Variants in ZNF318 observed in about 807,000 individuals in gnomAD.
The protein encoded by ZNF318 is zinc finger protein 318.
In ZNF318, 51 loss-of-function variants were observed where a neutral mutation model predicts 124.2. The ratio of observed to expected loss-of-function variants is 0.41; its 90% CI spans 0.33 to 0.52. The LOEUF (loss-of-function observed/expected upper bound fraction) is 0.52. Among genes scored for constraint, ZNF318 ranks in the 20% least tolerant of loss-of-function variants. The pLI, the probability that ZNF318 is intolerant of heterozygous loss-of-function variation, is 0.23. For missense variants in ZNF318, 2,815 were observed against 2,811.2 expected, an observed-to-expected ratio of 1.00 and a Z score of -0.03; for synonymous variants, 1,090 against 1,040.7, an observed-to-expected ratio of 1.05 and a Z score of -0.91.
At chr6:43,342,277 T>C in intron 7 of ZNF318, 66 bp from the exon 8 acceptor site, 2 of 1,337,262 alleles carry the variant, frequency 1.5e-6, no homozygotes, top group Non-Finnish European at 2.1e-6. Context: ...CTTTTCTCTT[T>C]TTTTTCCCCC....
At chr6:43,354,227 GCAA>G (rs1779572835) in intron 4 of ZNF318, among the ~76,000 whole-genome samples, 1 of 152,100 alleles carries the variant, frequency 6.6e-6, no homozygotes. Context: ...CAATTATCAA[GCAA>G]CAACTAGTTA....
Position 43,338,915 on chromosome 6 carries a change from T to A in ZNF318, c.5083A>T (p.Thr1695Ser). 9.3e-6 allele frequency: 15 copies of A among 1,614,070 alleles called. No homozygotes were observed. Among genetic ancestry groups the A allele is most frequent in the Non-Finnish European group, 1.3e-5 (15 of 1,180,024 alleles). ...GAACTAGAGGTCCATATGGCCAAAG[T>A]GTCTGTCTTTGGGGTAATTGTTTCA... is the stretch of plus-strand genomic sequence containing the variant. The part of the protein sequence containing the change: ...PYETITPKTD[T>S]LAIWTSSSFQ... The change falls in exon 10 of 10, where the codon ACT becomes TCT. Residue 1695 changes from threonine to serine, a missense_variant. Physicochemically the swap from Thr to Ser is moderately conservative, Grantham distance 58. This residue lies in a region of ZNF318 where 927 missense variants were observed against 820.6 expected (regional missense o/e 1.13). Coordinates refer to ENST00000361428, the MANE Select transcript of ZNF318 (RefSeq NM_014345.3).
In ZNF318 at chr6:43,354,717, A is replaced by C. The variant is rs1295126953; in HGVS notation, c.2617T>G (p.Tyr873Asp). The change falls in exon 4 of 10, where the codon TAT (tyrosine) becomes GAT (aspartate). Residue 873 changes from tyrosine (Y) to aspartate (D), a missense_variant. Tyr to Asp is a radical substitution (Grantham distance 160). Coordinates refer to ENST00000361428, the MANE Select transcript of ZNF318 (RefSeq NM_014345.3). ...VQVSIPSLIR[Y>D]NPEKISDEKN... is the part of the protein sequence containing the mutation. ...TCATCAGAGATCTTCTCTGGATTATATCTTATGAGTGATGGAATGGACACC... is the reference window on the plus strand; with the variant it reads ...TCATCAGAGATCTTCTCTGGATTATCTCTTATGAGTGATGGAATGGACACC... 2 of 1,613,924 alleles carry C rather than the reference A, an allele frequency of 1.2e-6. No individual in the cohort carries two copies. Among genetic ancestry groups the C allele is most frequent in the Non-Finnish European group, 1.7e-6 (2 of 1,180,014 alleles).
intron 4 of ZNF318, 56 bp from the exon 5 acceptor site, chr6:43,352,532 T>C (rs1182927753): frequency 5.3e-6 from 8 of 1,507,642 alleles, no homozygotes; most frequent in Admixed American, 5.1e-5. Context: ...TCTTTTCTAT[T>C]TCTCTCTTCC....
At chr6:43,364,739 C>T (rs1779736478) in intron 2 of ZNF318, among the ~76,000 whole-genome samples, 1 of 152,204 alleles carries the variant, frequency 6.6e-6, no homozygotes, top group South Asian at 2.1e-4. Flanking sequence ...TCTACCCTTC[C>T]TCAGCACTCA....
rs764564427 is a variant in ZNF318 at position 43,357,100 on chromosome 6, G to A, written c.1188+26C>T. 1.5e-5 allele frequency: 24 copies of A among 1,580,670 alleles called. No individual in the cohort carries two copies. In the South Asian group the frequency reaches 2.6e-4, roughly 17 times the overall value. ...TAAGATATTAGGGAGACTAGCAAGA[G>A]GCCCTACAAGAAATGCAGCAGAGAC... On this transcript the variant is annotated intron_variant, in intron 3 of 9. Transcript: ENST00000361428.
Position 43,355,005 on chromosome 6 carries a change from T to C in ZNF318, c.2329A>G (p.Asn777Asp). ...GGGGGAATGGCAGGTCCCTGGTAGT[T>C]CGGAGGTATCCGAGCTGCAGCAAAC... The part of the protein sequence containing the change: ...SQFAAARIPP[N>D]YQGPAIPPAS... Residue 777 changes from asparagine (N) to aspartate (D), a missense_variant, in exon 4 of 10, where the codon AAC becomes GAC. By Grantham distance (23) the Asn-to-Asp change is conservative. Coordinates refer to ENST00000361428, the MANE Select transcript of ZNF318 (RefSeq NM_014345.3). 1 of 1,612,004 alleles carries C rather than the reference T, an allele frequency of 6.2e-7. No homozygotes were observed. The highest frequency in any genetic ancestry group is 8.5e-7 in the Non-Finnish European group (1 of 1,178,816).
In ZNF318 at chr6:43,336,791, C is replaced by A. The variant is rs549344984; in HGVS notation, c.*367G>T. On this transcript the variant is annotated 3_prime_UTR_variant, in exon 10 of 10. Transcript: ENST00000361428. The stretch of plus-strand genomic sequence containing the variant: ...AGAGGTCAGCTGCCTCCATCCTCCC[C>A]CACATTTCAGAAATGGCAGAGTCAA... 4.6e-5 allele frequency: 7 copies of A among 153,106 alleles called. No individual in the cohort carries two copies. Among genetic ancestry groups the A allele is most frequent in the Non-Finnish European group, 1.0e-4 (7 of 68,462 alleles). 9.5% of individuals were successfully genotyped at this position (153,106 alleles called of 1,614,324 possible).
intron 6 of ZNF318, among the ~76,000 whole-genome samples, chr6:43,346,651 G>T (rs561578285): frequency 1.1e-4 from 17 of 152,020 alleles, no homozygotes; most frequent in Admixed American, 3.3e-4. Context: ...AGGCTGACTA[G>T]ATCTGGGTGG....
chr6:43,361,249 A>G (rs1303938229), intron 2 of ZNF318, among the ~76,000 whole-genome samples: 1 of 152,196 alleles, frequency 6.6e-6, no homozygotes, highest in African/African-American at 2.4e-5. Flanking sequence ...CACTCCTTCA[A>G]TCTGTCAGAA....
chr6:43,346,933 T>C (rs1779455644), intron 6 of ZNF318, among the ~76,000 whole-genome samples: 1 of 152,238 alleles, frequency 6.6e-6, no homozygotes, highest in African/African-American at 2.4e-5. Flanking sequence ...ATAAAGTCCC[T>C]GTAACTTTTG....
intron 4 of ZNF318, among the ~76,000 whole-genome samples, chr6:43,352,957 T>A (rs1191837886): frequency 6.6e-6 from 1 of 152,188 alleles, no homozygotes; most frequent in Non-Finnish European, 1.5e-5. Context: ...ATACTCAAAG[T>A]CACACATTAA....
At chr6:43,365,224 T>C in intron 2 of ZNF318, 68 bp downstream of exon 2, 1 of 1,531,232 alleles carries the variant, frequency 6.5e-7, no homozygotes, top group Non-Finnish European at 8.9e-7. Flanking sequence ...AAATATATCA[T>C]TCGGAAAACA....
Position 43,337,690 on chromosome 6 carries a change from T to C in ZNF318, c.6308A>G (p.Asn2103Ser), listed in dbSNP as rs1779304950. Residue 2103 changes from asparagine to serine, a missense_variant, in exon 10 of 10, where the codon AAC (asparagine) becomes AGC (serine). Physicochemically the swap from Asn to Ser is conservative, Grantham distance 46. Transcript: ENST00000361428. The part of the protein sequence containing the change: ...NPRSVRIPSP[N>S]ILKTGLTENV... ...TTCTGTAAGTCCAGTTTTCAAAATGTTAGGAGAAGGGATCCTAACACTCCT... is the reference window on the plus strand; with the variant it reads ...TTCTGTAAGTCCAGTTTTCAAAATGCTAGGAGAAGGGATCCTAACACTCCT... 1 of 1,614,168 alleles carries C rather than the reference T, an allele frequency of 6.2e-7. No individual in the cohort carries two copies. Among genetic ancestry groups the C allele is most frequent in the Non-Finnish European group, 8.5e-7 (1 of 1,180,030 alleles).
intron 1 of ZNF318, 73 bp downstream of exon 1, chr6:43,368,894 C>A: frequency 7.8e-7 from 1 of 1,275,722 alleles, no homozygotes; most frequent in Non-Finnish European, 9.9e-7. Flanking sequence ...AGGCCCCGGG[C>A]GTTTCTGGAA....
In ZNF318 at chr6:43,336,948, TAA is replaced by T. The variant is rs1413968643; in HGVS notation, c.*208_*209del. 31 of 325,112 alleles carry T rather than the reference TAA, an allele frequency of 9.5e-5. No homozygotes were observed. Among genetic ancestry groups the T allele is most frequent in the Non-Finnish European group, 2.2e-5 (4 of 182,210 alleles). The allele number at this position is 325,112 out of a possible 1,614,324, so 20.1% of individuals were successfully genotyped here. A position where few individuals can be genotyped will look rare whatever the true frequency, so the allele number is the denominator to read the frequency against. ...TTTTACAGATATATATATATATATA[TAA>T]GTTGTTATCGATTTGTCTGGTGTTT... On this transcript the variant is annotated 3_prime_UTR_variant, in exon 10 of 10. Transcript: ENST00000361428.
At chr6:43,351,075 A>G (rs1779517009) in intron 5 of ZNF318, among the ~76,000 whole-genome samples, 1 of 152,262 alleles carries the variant, frequency 6.6e-6, no homozygotes, top group Admixed American at 6.5e-5. Flanking sequence ...ATACAAACTC[A>G]GCATCATTTC....
chr6:43,339,907 G>A lies in ZNF318; in HGVS notation c.4091C>T (p.Ser1364Leu), dbSNP rs77690862. 4.1e-3 allele frequency: 6,554 copies of A among 1,614,176 alleles called. 26 individuals are homozygous for A. The highest frequency in any genetic ancestry group is 5.5e-3 in the Admixed American group (333 of 60,024). Residue 1364 changes from serine to leucine, a missense_variant, in exon 10 of 10, where the codon TCA (serine) becomes TTA (leucine). Ser to Leu is a moderately radical substitution (Grantham distance 145). Coordinates refer to ENST00000361428, the MANE Select transcript of ZNF318 (RefSeq NM_014345.3). This position sits in a 1 kb window ranked among gnomAD's most constrained non-coding sequence, Gnocchi z 4.2. ...IPSTVLRKSC[S>L]ATMSKPAPLN... is the part of the protein sequence containing the mutation. ...AGGAGCTGGCTTGCTCATTGTGGCT[G>A]AACATGACTTGCGGAGTACTGTGGA...
chr6:43,354,886 A>T lies in ZNF318; in HGVS notation c.2448T>A (p.Pro816=). 1 of 1,613,990 alleles carries T rather than the reference A, an allele frequency of 6.2e-7. No individual in the cohort carries two copies. The highest frequency in any genetic ancestry group is 8.5e-7 in the Non-Finnish European group (1 of 1,179,854). The change falls in exon 4 of 10, where the codon CCT becomes CCA. Residue 816 remains proline, a synonymous_variant. Coordinates refer to ENST00000361428, the MANE Select transcript of ZNF318 (RefSeq NM_014345.3). ...TTATTGGCATTATCCTGTGTGGTTC[A>T]GGTACAGGGTGGTTTGACGGTTGAG... is the stretch of plus-strand genomic sequence containing the variant. ...PTSQPSNHPV[P]EPHRIMPITK... is the part of the protein sequence containing the mutation.
Sources: gnomAD v4.1 joint callset for allele counts (sites outside exome capture counted in the v4.1 genomes callset) on GRCh38, gnomAD v4.1.1 for gene constraint, gnomAD v4.1.1 regional missense constraint, Gnocchi (gnomAD v3.1) non-coding constraint, MANE v1.5 for transcripts, NCBI Gene and HGNC (gene_info 2026-07-23, HGNC 2026-07-21) for gene names.